Variants in LRP1B observed in about 807,000 individuals in gnomAD.
LRP1B encodes LDL receptor related protein 1B, also known as low-density lipoprotein receptor-related protein 1B.
LRP1B carries 217 observed loss-of-function variants against 556.6 expected under a neutral mutation model. The ratio of observed to expected loss-of-function variants is 0.39; its 90% CI spans 0.35 to 0.44. The LOEUF is 0.44. Among genes scored for constraint, LRP1B ranks in the 20% least tolerant of loss-of-function variants. The pLI, the probability that LRP1B is intolerant of heterozygous loss-of-function variation, is 1.00. For synonymous variants in LRP1B, 2,047 were observed against 1,865.8 expected (o/e 1.10, Z -2.50); for missense variants, 5,053 against 5,620.8 (o/e 0.90, Z 3.23).
At chr2:140,932,706 C>G (rs979399548) in intron 20 of LRP1B, among the ~76,000 whole-genome samples, 1 of 151,004 alleles carries the variant, frequency 6.6e-6, no homozygotes, top group African/African-American at 2.4e-5. Flanking sequence ...GACTCTGTCT[C>G]TATAATTTTT....
At chr2:141,719,153 T>C (rs573712302) in intron 2 of LRP1B, among the ~76,000 whole-genome samples, 7 of 152,290 alleles carry the variant, frequency 4.6e-5, no homozygotes, top group East Asian at 1.9e-4. Context: ...CTATCATCTC[T>C]AATATTAAAT....
chr2:141,187,936 T>C (rs1681330112), intron 7 of LRP1B, among the ~76,000 whole-genome samples: 1 of 151,708 alleles, frequency 6.6e-6, no homozygotes. Context: ...AACGTAAGAG[T>C]CTGAACAAAG....
intron 1 of LRP1B, among the ~76,000 whole-genome samples, chr2:141,923,278 T>G (rs921621066): frequency 6.6e-6 from 1 of 151,432 alleles, no homozygotes; most frequent in African/African-American, 2.4e-5. Context: ...CCTCTACAGA[T>G]GGCCTAATAT....
chr2:141,315,551 G>T (rs564598103), intron 3 of LRP1B, among the ~76,000 whole-genome samples: 2 of 151,592 alleles, frequency 1.3e-5, no homozygotes, highest in African/African-American at 4.8e-5. Context: ...GAGCCACCAC[G>T]CCCGGCCGAA....
At chr2:142,036,836 T>C (rs1019878398) in intron 1 of LRP1B, among the ~76,000 whole-genome samples, 1 of 151,740 alleles carries the variant, frequency 6.6e-6, no homozygotes, top group Non-Finnish European at 1.5e-5. Flanking sequence ...TTACAAAGCA[T>C]CACGTTTTCC....
At chr2:140,547,282 C>G (rs934721007) in intron 43 of LRP1B, among the ~76,000 whole-genome samples, 4 of 151,930 alleles carry the variant, frequency 2.6e-5, no homozygotes, top group Non-Finnish European at 5.9e-5. Context: ...TCATCTGGTC[C>G]TGGGTTTTTT....
chr2:141,494,869 C>T (rs1283571455), intron 2 of LRP1B, among the ~76,000 whole-genome samples: 1 of 150,670 alleles, frequency 6.6e-6, no homozygotes, highest in African/African-American at 2.4e-5. Flanking sequence ...TGTAGCATTA[C>T]TAATAGCGGT....
chr2:140,310,146 ATATATGTATGAGACT>A (rs1482898505), intron 83 of LRP1B, among the ~76,000 whole-genome samples: 3 of 151,708 alleles, frequency 2.0e-5, no homozygotes, highest in Non-Finnish European at 4.4e-5. Flanking sequence ...AAACTCCTGC[ATATATGTATGAGACT>A]TATCTTTTGC....
At chr2:140,809,532 CT>C (rs747500422) in intron 32 of LRP1B, among the ~76,000 whole-genome samples, 2 of 152,150 alleles carry the variant, frequency 1.3e-5, no homozygotes, top group African/African-American at 4.8e-5. Flanking sequence ...TTTATCACCC[CT>C]GACATACTTT....
At chr2:140,868,530 T>G (rs1403457900) in intron 25 of LRP1B, among the ~76,000 whole-genome samples, 2 of 151,948 alleles carry the variant, frequency 1.3e-5, no homozygotes, top group Admixed American at 1.3e-4. Flanking sequence ...TTAGAGAAGG[T>G]GATCAGAAAA....
At chr2:140,495,344 A>G (rs898071106) in intron 56 of LRP1B, among the ~76,000 whole-genome samples, 2 of 151,340 alleles carry the variant, frequency 1.3e-5, no homozygotes, top group African/African-American at 4.9e-5. Context: ...GGCACTCTCA[A>G]AATCTAGAAA....
chr2:140,733,959 T>C (rs905319903), intron 35 of LRP1B, among the ~76,000 whole-genome samples: 2 of 152,234 alleles, frequency 1.3e-5, no homozygotes, highest in African/African-American at 4.8e-5. Context: ...AAAATATAGA[T>C]GTGCCTTTTG....
At chr2:140,552,686 C>G (rs1680589170) in intron 43 of LRP1B, among the ~76,000 whole-genome samples, 1 of 152,150 alleles carries the variant, frequency 6.6e-6, no homozygotes, top group Admixed American at 6.6e-5. Flanking sequence ...AAATTGCACT[C>G]TACCATGCTA....
chr2:140,552,934 A>T (rs115474980), intron 43 of LRP1B, among the ~76,000 whole-genome samples: 1,688 of 152,196 alleles, frequency 0.011, 31 homozygotes, highest in African/African-American at 0.036. Flanking sequence ...GCATCTTGGA[A>T]CTTCACTGGT....
intron 20 of LRP1B, among the ~76,000 whole-genome samples, chr2:140,935,546 G>C (rs957590376): frequency 6.6e-6 from 1 of 152,026 alleles, no homozygotes; most frequent in African/African-American, 2.4e-5. Flanking sequence ...GACTTGCAGG[G>C]CACCATGAAG....
intron 2 of LRP1B, among the ~76,000 whole-genome samples, chr2:141,633,981 G>A (rs940557856): frequency 6.6e-6 from 1 of 151,808 alleles, no homozygotes; most frequent in Middle Eastern, 3.2e-3. Flanking sequence ...ATTAACTATA[G>A]GGCTTTGGCT....
chr2:140,997,250 T>G (rs1697273713), intron 15 of LRP1B, among the ~76,000 whole-genome samples: 1 of 152,008 alleles, frequency 6.6e-6, no homozygotes, highest in Non-Finnish European at 1.5e-5. Context: ...AGAAGGCCTA[T>G]GCATGAATCT....
chr2:140,433,824 GTTT>G (rs140960497), intron 66 of LRP1B, among the ~76,000 whole-genome samples: 1 of 147,378 alleles, frequency 6.8e-6, no homozygotes, highest in Non-Finnish European at 1.5e-5. Context: ...TATTTCTTCT[GTTT>G]TTTTTTTCTT....
In LRP1B at chr2:140,293,289, T is replaced by C. The variant is rs145199171; in HGVS notation, c.12967+4519A>G. On this transcript the variant is annotated intron_variant, in intron 84 of 90. Coordinates refer to ENST00000389484, the MANE Select transcript of LRP1B (RefSeq NM_018557.3). ...CTCATGCTTAACACCTAGATTTAAA[T>C]CCAAAATGTCATGCTCACTTGTTTA... 1.4e-3 allele frequency among the ~76,000 whole-genome samples: 218 copies of C among 152,344 alleles called. 2 individuals carry two copies. The East Asian group carries it at 0.03, about 21-fold the overall frequency.
Sources: allele counts gnomAD v4.1 joint callset (sites outside exome capture counted in the v4.1 genomes callset), GRCh38; gene constraint gnomAD v4.1.1; transcripts MANE v1.5; gene names NCBI Gene and HGNC (gene_info 2026-07-23, HGNC 2026-07-21).